The following ADAM22 variants were observed in gnomAD, a reference collection of about 807,000 sequenced individuals.
ADAM22 encodes the protein ADAM metallopeptidase domain 22, also known as disintegrin and metalloproteinase domain-containing protein 22.
In ADAM22, 65 loss-of-function variants were observed where a neutral mutation model predicts 144.6. The observed-to-expected ratio is 0.45, with a 90% CI of 0.37 to 0.55. The LOEUF (loss-of-function observed/expected upper bound fraction) is 0.55, where lower values mean the gene tolerates loss of function less well. ADAM22 is among the 20% of genes least tolerant of loss of function. ADAM22 has a pLI of 0.00. For missense variants in ADAM22, 974 were observed against 1,184.9 expected (o/e 0.82, Z 2.61); for synonymous variants, 391 against 412.6 (o/e 0.95, Z 0.63).
At chr7:88,050,387 G>C (rs1029868085) in intron 3 of ADAM22, among the ~76,000 whole-genome samples, 1 of 147,226 alleles carries the variant, frequency 6.8e-6, no homozygotes, top group African/African-American at 2.5e-5. Flanking sequence ...GTCAGAGTGA[G>C]ACCCTGTCTC....
intron 3 of ADAM22, among the ~76,000 whole-genome samples, chr7:87,990,537 C>T (rs1388277536): frequency 1.3e-5 from 2 of 152,194 alleles, no homozygotes; most frequent in Non-Finnish European, 2.9e-5. Flanking sequence ...CTCCAATGTA[C>T]ACTTTCCCTC....
intron 3 of ADAM22, among the ~76,000 whole-genome samples, chr7:88,012,792 C>G (rs1220059537): frequency 6.6e-6 from 1 of 152,132 alleles, no homozygotes; most frequent in African/African-American, 2.4e-5. Flanking sequence ...TGAACTATCC[C>G]CCTCACTCCC....
chr7:88,146,643 C>G (rs1010787053), intron 17 of ADAM22, among the ~76,000 whole-genome samples: 4 of 152,214 alleles, frequency 2.6e-5, no homozygotes, highest in Non-Finnish European at 5.9e-5. Flanking sequence ...AGACCACTCT[C>G]TGAGATAATG....
intron 2 of ADAM22, among the ~76,000 whole-genome samples, chr7:87,938,176 T>C (rs1211785893): frequency 6.6e-6 from 1 of 151,666 alleles, no homozygotes; most frequent in Non-Finnish European, 1.5e-5. Flanking sequence ...ATAGTTCTAA[T>C]TTATGGCATT....
At position 88,045,894 on chromosome 7, in the gene ADAM22, G is replaced by GTGTGTGTGTA. The variant is rs1223674907; in HGVS notation, c.324-29723_324-29722insATGTGTGTGT. On this transcript the variant is annotated intron_variant, in intron 3 of 31. Transcript: ENST00000413139. ...AAGGCTGAGTCGTATTCTATTGTGT[G>GTGTGTGTGTA]TGTGTGTGTGTGTGTGTGTGTGTGT... Among the ~76,000 whole-genome samples, 541 of 134,786 alleles carry GTGTGTGTGTA rather than the reference G, an allele frequency of 4.0e-3. 2 individuals carry two copies. Among genetic ancestry groups the GTGTGTGTGTA allele is most frequent in the African/African-American group, 0.018 (522 of 29,302 alleles). 88.4% of individuals were successfully genotyped at this position (134,786 alleles called of 152,430 possible).
chr7:88,068,671 T>C (rs1270055453), intron 3 of ADAM22, among the ~76,000 whole-genome samples: 1 of 152,184 alleles, frequency 6.6e-6, no homozygotes, highest in East Asian at 1.9e-4. Context: ...ATATGCTTTA[T>C]GTAGTGTCAG....
chr7:88,057,932 C>T (rs569444773), intron 3 of ADAM22, among the ~76,000 whole-genome samples: 4 of 152,176 alleles, frequency 2.6e-5, no homozygotes, highest in Non-Finnish European at 2.9e-5. Flanking sequence ...AGGTTTAATC[C>T]AGTAATTTTC....
intron 18 of ADAM22, among the ~76,000 whole-genome samples, chr7:88,149,301 A>G (rs561247960): frequency 6.6e-6 from 1 of 152,278 alleles, no homozygotes; most frequent in East Asian, 1.9e-4. Flanking sequence ...TTTTTGTATT[A>G]AGTAGGTAGT....
chr7:88,097,206 C>G (rs554296326), intron 4 of ADAM22, among the ~76,000 whole-genome samples: 12 of 144,860 alleles, frequency 8.3e-5, no homozygotes, highest in African/African-American at 3.1e-4. Context: ...GGCTGGAGTA[C>G]AGTGGCACCA....
chr7:88,149,334 A>T (rs978609144), intron 18 of ADAM22, among the ~76,000 whole-genome samples: 1 of 152,120 alleles, frequency 6.6e-6, no homozygotes, highest in African/African-American at 2.4e-5. Context: ...CTTTTCATCT[A>T]CTTAGTAAAG....
chr7:87,967,441 A>G (rs113734580), intron 2 of ADAM22, among the ~76,000 whole-genome samples: 4 of 152,134 alleles, frequency 2.6e-5, no homozygotes, highest in African/African-American at 9.7e-5. Flanking sequence ...TGGGCAATGT[A>G]GTAAGGTCCT....
intron 2 of ADAM22, among the ~76,000 whole-genome samples, chr7:87,960,878 A>T (rs989386377): frequency 3.9e-4 from 60 of 152,192 alleles, no homozygotes; most frequent in African/African-American, 1.4e-3. Flanking sequence ...ACTCACTCCA[A>T]AAACATTTAT....
chr7:88,139,418 CTAAATAAA>C (rs35764191), intron 14 of ADAM22, among the ~76,000 whole-genome samples: 288 of 146,262 alleles, frequency 2.0e-3, no homozygotes, highest in Middle Eastern at 7.0e-3. Context: ...GACTCCATCT[CTAAATAAA>C]TAAATAAATA....
intron 3 of ADAM22, among the ~76,000 whole-genome samples, chr7:88,018,479 T>G (rs1280085444): frequency 6.6e-6 from 1 of 152,118 alleles, no homozygotes; most frequent in Non-Finnish European, 1.5e-5. Context: ...CATTTCACAC[T>G]GAGTAGAGCA....
At chr7:88,056,889 A>G (rs533844037) in intron 3 of ADAM22, among the ~76,000 whole-genome samples, 1 of 152,210 alleles carries the variant, frequency 6.6e-6, no homozygotes, top group African/African-American at 2.4e-5. Flanking sequence ...CAAGGTCTTG[A>G]TTTGTTTTCT....
rs1843367656 is a variant in ADAM22, at chr7:88,168,152, A to G, written c.2207A>G (p.Asn736Ser). 2 of 1,613,186 alleles carry G rather than the reference A, an allele frequency of 1.2e-6. No individual in the cohort carries two copies. The highest frequency in any genetic ancestry group is 8.5e-7 in the Non-Finnish European group (1 of 1,179,518). Residue 736 changes from asparagine (N) to serine (S), a missense_variant, in exon 25 of 32, where the codon AAT (asparagine) becomes AGT (serine). Physicochemically the swap from Asn to Ser is conservative, Grantham distance 46 (BLOSUM62 1). Coordinates refer to ENST00000413139, the MANE Select transcript of ADAM22 (RefSeq NM_001324418.2). ...TLSGNGVAGT[N>S]IIIGIIAGTI... is the part of the protein sequence containing the mutation. Reference sequence around the variant, plus strand: ...TTCCTCTCAGGTGTTGCTGGCACCAATATCATAATAGGCATAATTGCTGGC... The same window carrying G: ...TTCCTCTCAGGTGTTGCTGGCACCAGTATCATAATAGGCATAATTGCTGGC...
chr7:88,027,223 A>G (rs892328926), intron 3 of ADAM22, among the ~76,000 whole-genome samples: 1 of 152,142 alleles, frequency 6.6e-6, no homozygotes, highest in Admixed American at 6.5e-5. Context: ...TGGCTTTAGT[A>G]TCAGGGTAAT....
intron 3 of ADAM22, among the ~76,000 whole-genome samples, chr7:87,982,074 C>T (rs1234453774): frequency 8.2e-5 from 11 of 134,338 alleles, no homozygotes; most frequent in East Asian, 5.6e-4. Context: ...TATATACACA[C>T]ACACACACAC....
intron 4 of ADAM22, among the ~76,000 whole-genome samples, chr7:88,088,950 CT>C (rs146465247): frequency 5.9e-4 from 85 of 144,736 alleles, no homozygotes; most frequent in African/African-American, 1.2e-3. Flanking sequence ...CATTCCATTT[CT>C]TTTTTTTTTA....
Sources: gnomAD v4.1 joint callset for allele counts (sites outside exome capture counted in the v4.1 genomes callset) on GRCh38, gnomAD v4.1.1 for gene constraint, MANE v1.5 for transcripts, NCBI Gene and HGNC (gene_info 2026-07-23, HGNC 2026-07-21) for gene names.